ZSCAN21: variants seen among roughly 807,000 people sequenced by gnomAD.
ZSCAN21 encodes the protein zinc finger and SCAN domain-containing protein 21.
Under a neutral mutation model 35.6 loss-of-function variants are expected in ZSCAN21, and 26 were observed. The observed-to-expected ratio is 0.73, with a 90% CI of 0.54 to 1.01. The LOEUF is 1.01. Among genes scored for constraint, ZSCAN21 ranks in the 50% least tolerant of loss-of-function variants. The pLI is 0.00. For missense variants in ZSCAN21, 593 were observed against 587.1 expected (o/e 1.01, Z -0.10); for synonymous variants, 219 against 219.3 (o/e 1.00, Z 0.01).
At position 100,053,790 on chromosome 7, in the gene ZSCAN21, C is replaced by T. The variant is rs143513679; in HGVS notation, c.-96-3121C>T. 2.0e-3 allele frequency among the ~76,000 whole-genome samples: 302 copies of T among 151,786 alleles called. 3 individuals are homozygous for T. Among genetic ancestry groups the T allele is most frequent in the African/African-American group, 7.0e-3 (289 of 41,384 alleles). Reference sequence around the variant, plus strand: ...TATTTTTTTAGGTTTAACATGTGGCCCTAAAGAACCAGAAACCGAAAGGAA... The same window carrying T: ...TATTTTTTTAGGTTTAACATGTGGCTCTAAAGAACCAGAAACCGAAAGGAA... On this transcript the variant is annotated intron_variant, in intron 1 of 3. Transcript: ENST00000292450.
intron 3 of ZSCAN21, among the ~76,000 whole-genome samples, chr7:100,060,736 T>C (rs1234113562): frequency 6.6e-6 from 1 of 151,172 alleles, no homozygotes; most frequent in Non-Finnish European, 1.5e-5. Flanking sequence ...CCCTGGGACC[T>C]GTAGTCCCAG....
At chr7:100,056,395 G>T (rs942568843) in intron 1 of ZSCAN21, among the ~76,000 whole-genome samples, 1 of 152,128 alleles carries the variant, frequency 6.6e-6, no homozygotes, top group Non-Finnish European at 1.5e-5. Context: ...TTAAAATTAT[G>T]CCACATTGCA....
Position 100,064,186 on chromosome 7 carries a change from C to T in ZSCAN21, c.991C>T (p.Arg331Trp), listed in dbSNP as rs779786905. ...CCACTACAGAACACACTTGGTGGAC[C>T]GGCCCTATGACTGTAAGTGTGGAAA... ...TLHYRTHLVD[R>W]PYDCKCGKAF... Residue 331 changes from arginine (R) to tryptophan (W), a missense_variant, in exon 4 of 4, where the codon CGG becomes TGG. Transcript: ENST00000292450. 34 of 1,613,888 alleles carry T rather than the reference C, an allele frequency of 2.1e-5. No individual in the cohort carries two copies. Among genetic ancestry groups the T allele is most frequent in the African/African-American group, 5.3e-5 (4 of 74,856 alleles).
intron 3 of ZSCAN21, among the ~76,000 whole-genome samples, chr7:100,060,641 C>T (rs1449403474): frequency 1.3e-5 from 2 of 149,972 alleles, no homozygotes; most frequent in East Asian, 2.0e-4. Context: ...CTGAGGCAGG[C>T]GGATCACCTG....
intron 1 of ZSCAN21, among the ~76,000 whole-genome samples, chr7:100,052,734 G>A (rs1791925283): frequency 6.6e-6 from 1 of 152,040 alleles, no homozygotes; most frequent in African/African-American, 2.4e-5. Flanking sequence ...TGCAACTTGT[G>A]AAATCACCAA....
chr7:100,050,182 C>G (rs1791808296), intron 1 of ZSCAN21, among the ~76,000 whole-genome samples: 1 of 152,104 alleles, frequency 6.6e-6, no homozygotes, highest in Non-Finnish European at 1.5e-5. Flanking sequence ...TTTTCCCTTT[C>G]TCTGAACTGG....
rs181832279 is a variant in ZSCAN21, at chr7:100,057,004, T to C, written c.-3T>C. ...CTTTGGTGAGGCTGTTTCTGGAGTT[T>C]ACATGATGACCAAGGTACTAGGCAT... On this transcript the variant is annotated 5_prime_UTR_variant, in exon 2 of 4. Coordinates refer to ENST00000292450, the MANE Select transcript of ZSCAN21 (RefSeq NM_145914.3). 2 of 1,583,844 alleles carry C rather than the reference T, an allele frequency of 1.3e-6. No individual in the cohort carries two copies. Among genetic ancestry groups the C allele is most frequent in the Admixed American group, 1.8e-5 (1 of 55,172 alleles).
chr7:100,050,535 G>A (rs1004165175), intron 1 of ZSCAN21, among the ~76,000 whole-genome samples: 6 of 151,926 alleles, frequency 3.9e-5, no homozygotes, highest in African/African-American at 1.2e-4. Context: ...CTGTCCCCAC[G>A]AAAAATACAA....
intron 1 of ZSCAN21, chr7:100,051,708 A>G (rs1436814415): frequency 6.6e-6 from 1 of 151,972 alleles, no homozygotes; most frequent in Non-Finnish European, 1.5e-5. Context: ...TCATCTTGTT[A>G]CAGAATGGAC....
At chr7:100,059,385 C>G (rs555098690) in intron 3 of ZSCAN21, among the ~76,000 whole-genome samples, 1 of 152,250 alleles carries the variant, frequency 6.6e-6, no homozygotes, top group East Asian at 1.9e-4. Context: ...TTTTCCATAT[C>G]TCTTGGTGTA....
chr7:100,057,604 C>G lies in ZSCAN21; in HGVS notation c.400-94C>G, dbSNP rs1208085540. The G allele has an allele frequency of 6.4e-6, 9 of 1,396,322 alleles. No homozygotes were observed. The East Asian group carries it at 1.4e-4, about 22-fold the overall frequency. 86.5% of individuals were successfully genotyped at this position (1,396,322 alleles called of 1,614,324 possible). On this transcript the variant is annotated intron_variant, in intron 2 of 3. Coordinates refer to ENST00000292450, the MANE Select transcript of ZSCAN21 (RefSeq NM_145914.3). ...AATGGGATGGGTGTTTTCCTTTTCT[C>G]TTTCCTAGAGGTTCTATGTAGCTCT...
intron 1 of ZSCAN21, among the ~76,000 whole-genome samples, chr7:100,053,345 T>TG (rs200504441): frequency 0.019 from 2,884 of 152,076 alleles, 62 homozygotes; most frequent in Non-Finnish European, 0.027. Context: ...CCCTGTGTGA[T>TG]GCCAGCAGGT....
chr7:100,051,178 C>CAAAAAAAAAGAAAAAAAAAAAAAAA (rs1791853478), intron 1 of ZSCAN21, among the ~76,000 whole-genome samples: 1 of 41,384 alleles, frequency 2.4e-5, no homozygotes, highest in Admixed American at 2.7e-4. Context: ...AACTACGTCT[C>CAAAAAAAAAGAAAAAAAAAAAAAAA]AAAAAAAAAA....
At chr7:100,053,454 C>T (rs1018517704) in intron 1 of ZSCAN21, among the ~76,000 whole-genome samples, 1 of 151,262 alleles carries the variant, frequency 6.6e-6, no homozygotes, top group Non-Finnish European at 1.5e-5. Flanking sequence ...AGGGTGCCCT[C>T]CTCTGGATAG....
chr7:100,064,629 T>C lies in ZSCAN21; in HGVS notation c.*12T>C. On this transcript the variant is annotated 3_prime_UTR_variant, in exon 4 of 4. Coordinates refer to ENST00000292450, the MANE Select transcript of ZSCAN21 (RefSeq NM_145914.3). Reference sequence around the variant, plus strand: ...GAGAAGCACCGTAACTTTCAAGCGCTCCTGTTGTTGTCGTTGTTTTAAACT... The same window carrying C: ...GAGAAGCACCGTAACTTTCAAGCGCCCCTGTTGTTGTCGTTGTTTTAAACT... The C allele has an allele frequency of 1.9e-6, 3 of 1,607,916 alleles. No homozygotes were observed. Among genetic ancestry groups the C allele is most frequent in the South Asian group, 1.1e-5 (1 of 90,488 alleles).
intron 3 of ZSCAN21, among the ~76,000 whole-genome samples, chr7:100,058,325 G>T (rs1007311131): frequency 6.6e-6 from 1 of 152,110 alleles, no homozygotes; most frequent in African/African-American, 2.4e-5. Flanking sequence ...TGGAGGAGGG[G>T]GTCACTTGAT....
chr7:100,053,649 C>G (rs1358893220), intron 1 of ZSCAN21, among the ~76,000 whole-genome samples: 2 of 148,638 alleles, frequency 1.3e-5, no homozygotes, highest in African/African-American at 5.0e-5. Context: ...CTCCCAGGTT[C>G]AAGTGATTCC....
chr7:100,052,434 A>C (rs1206484958), intron 1 of ZSCAN21, among the ~76,000 whole-genome samples: 2 of 152,050 alleles, frequency 1.3e-5, no homozygotes, highest in East Asian at 3.8e-4. Context: ...GTCTCTAAAA[A>C]ATAAAAAAAT....
intron 3 of ZSCAN21, among the ~76,000 whole-genome samples, chr7:100,061,051 G>GT (rs1792273130): frequency 6.6e-6 from 1 of 152,016 alleles, no homozygotes; most frequent in Admixed American, 6.6e-5. Flanking sequence ...GGGCGACAGA[G>GT]TGAGACCGGG....
Sources: allele counts gnomAD v4.1 joint callset (sites outside exome capture counted in the v4.1 genomes callset), GRCh38; gene constraint gnomAD v4.1.1; transcripts MANE v1.5; gene names NCBI Gene and HGNC (gene_info 2026-07-23, HGNC 2026-07-21).